The following CP variants were observed in gnomAD, a reference collection of about 807,000 sequenced individuals.
The protein encoded by CP is caeruloplasmin.
In CP, 64 loss-of-function variants were observed where a neutral mutation model predicts 122.4. The observed-to-expected ratio is 0.52, with a 90% confidence interval of 0.43 to 0.64. The LOEUF is 0.64. Ranked by LOEUF, CP falls within the 30% of genes least tolerant of loss-of-function variation. The probability of loss-of-function intolerance (pLI) is 0.00; values close to 1 mark genes in which losing one functional copy is unlikely to be tolerated. For synonymous variants in CP, 440 were observed against 436.4 expected, an observed-to-expected ratio of 1.01 and a Z score of -0.10; for missense variants, 1,167 against 1,284.4, an observed-to-expected ratio of 0.91 and a Z score of 1.40.
Position 149,178,603 on chromosome 3 carries a change from A to G in CP, c.2690T>C (p.Leu897Pro). Residue 897 changes from leucine (L) to proline (P), a missense_variant, in exon 16 of 19, where the codon CTG (leucine) becomes CCG (proline). Physicochemically the swap from Leu to Pro is moderately conservative, Grantham distance 98. This residue lies in a region of CP where 525 missense variants were observed against 657.2 expected (regional missense o/e 0.80). Coordinates refer to ENST00000264613, the MANE Select transcript of CP (RefSeq NM_000096.4). ...KDLYSGLIGP[L>P]IVCRRPYLKV... ...CAAGTAAGGTCTTCGACAAACAATCAGGGGGCCAATTAATCCACTGTAGAG... is the reference window on the plus strand; with the variant it reads ...CAAGTAAGGTCTTCGACAAACAATCGGGGGGCCAATTAATCCACTGTAGAG... The G allele has an allele frequency of 6.2e-7, 1 of 1,612,974 alleles. No homozygotes were observed. The highest frequency in any genetic ancestry group is 8.5e-7 in the Non-Finnish European group (1 of 1,179,236).
At chr3:149,187,575 G>A (rs1170277580) in intron 10 of CP, among the ~76,000 whole-genome samples, 1 of 152,192 alleles carries the variant, frequency 6.6e-6, no homozygotes, top group Non-Finnish European at 1.5e-5. Flanking sequence ...TAGAATCATT[G>A]AGGGCTGAGA....
intron 13 of CP, among the ~76,000 whole-genome samples, chr3:149,182,888 C>A (rs895131208): frequency 2.0e-5 from 3 of 152,088 alleles, no homozygotes; most frequent in African/African-American, 7.2e-5. Context: ...TAGTGCCTCA[C>A]GCCTGTAATC....
At chr3:149,172,316 T>TCAC (rs1200676922), downstream of CP, 6 of 681,198 alleles carry the variant, frequency 8.8e-6, no homozygotes, top group Non-Finnish European at 1.2e-5. Flanking sequence ...TTATTTTATA[T>TCAC]ATCACACACA....
chr3:149,162,478 A>C, exon 6 of CP: 1 of 886,988 alleles, frequency 1.1e-6, no homozygotes, highest in Non-Finnish European at 1.8e-6. Context: ...TAAAAGTACT[A>C]ATTAAAAGAC....
At chr3:149,165,602 A>G (rs919954611) in intron 5 of CP, among the ~76,000 whole-genome samples, 1 of 152,036 alleles carries the variant, frequency 6.6e-6, no homozygotes, top group Non-Finnish European at 1.5e-5. Flanking sequence ...TCGGGTTCCC[A>G]AAGTTCTGGG....
rs1036183549 is a variant in CP at position 149,206,869 on chromosome 3, TA to T, written c.1036+493del. On this transcript the variant is annotated intron_variant, in intron 5 of 18. Coordinates refer to ENST00000264613, the MANE Select transcript of CP (RefSeq NM_000096.4). Reference sequence around the variant, plus strand: ...AATATCTGAACTCCTATGTTAAACTTAATTTATTCAGTAGACCAATATTAAA... The same window carrying T: ...AATATCTGAACTCCTATGTTAAACTTATTTATTCAGTAGACCAATATTAAA... Among the ~76,000 whole-genome samples the T allele has an allele frequency of 3.9e-5, 6 of 152,302 alleles. 1 individual carries two copies. Among genetic ancestry groups the T allele is most frequent in the Admixed American group, 1.3e-4 (2 of 15,292 alleles).
chr3:149,212,897 T>C (rs915312013), intron 1 of CP, among the ~76,000 whole-genome samples, 199 bp from the exon 2 acceptor site: 1 of 152,222 alleles, frequency 6.6e-6, no homozygotes, highest in Non-Finnish European at 1.5e-5. Context: ...AGGCTTTCCA[T>C]ATCAGGTATA....
intron 1 of CP, among the ~76,000 whole-genome samples, chr3:149,221,036 C>T (rs1296542606): frequency 1.3e-5 from 2 of 151,698 alleles, no homozygotes; most frequent in African/African-American, 2.4e-5. Flanking sequence ...TAATAAGTAC[C>T]TGACATTTTT....
intron 1 of CP, 90 bp from the exon 2 acceptor site, chr3:149,212,788 A>T (rs1393723407): frequency 2.8e-6 from 4 of 1,434,120 alleles, no homozygotes; most frequent in Non-Finnish European, 3.8e-6. Context: ...TAATTAGAGA[A>T]ATTAATGAGC....
intron 2 of CP, among the ~76,000 whole-genome samples, chr3:149,211,766 C>A: frequency 6.6e-6 from 1 of 152,322 alleles, no homozygotes; most frequent in Admixed American, 6.5e-5. Context: ...AGGCAATCCA[C>A]ATCTTGAGTC....
intron 18 of CP, 170 bp downstream of exon 18, chr3:149,176,080 A>ATT: frequency 1.4e-5 from 9 of 646,596 alleles, no homozygotes; most frequent in Non-Finnish European, 2.2e-5. Context: ...ATCCCTCACC[A>ATT]TTTAGCAGGA....
chr3:149,182,173 C>A (rs1725831643), intron 13 of CP, 40 bp from the exon 14 acceptor site: 1 of 1,612,156 alleles, frequency 6.2e-7, no homozygotes, highest in South Asian at 1.1e-5. Flanking sequence ...ATCAGAAGGT[C>A]TAACTTAGTA....
At position 149,219,444 on chromosome 3, in the gene CP, C is replaced by T. The variant is rs148035604; in HGVS notation, c.146+2203G>A. On this transcript the variant is annotated intron_variant, in intron 1 of 18. Coordinates refer to ENST00000264613, the MANE Select transcript of CP (RefSeq NM_000096.4). ...AACTGAATCATGGATGTGGTTTCCCCCATATTGTTCTCATGGTAGTGAATA... is the reference window on the plus strand; with the variant it reads ...AACTGAATCATGGATGTGGTTTCCCTCATATTGTTCTCATGGTAGTGAATA... Among the ~76,000 whole-genome samples, 965 of 152,200 alleles carry T rather than the reference C, an allele frequency of 6.3e-3. 18 individuals are homozygous for T. Among genetic ancestry groups the T allele is most frequent in the African/African-American group, 0.022 (894 of 41,510 alleles).
At chr3:149,185,047 C>T (rs574565844) in intron 12 of CP, 192 bp downstream of exon 12, 1 of 609,742 alleles carries the variant, frequency 1.6e-6, no homozygotes, top group African/African-American at 1.8e-5. Flanking sequence ...GAAATTTTCC[C>T]TTAAGGAAAT....
chr3:149,198,340 A>G, intron 9 of CP, 27 bp downstream of exon 9: 2 of 1,572,612 alleles, frequency 1.3e-6, no homozygotes, highest in Non-Finnish European at 1.8e-6. Context: ...GAGATTGAAC[A>G]ATTTTTTTTT....
exon 6 of CP, chr3:149,162,476 C>T (rs1723968105): frequency 2.2e-6 from 2 of 891,852 alleles, no homozygotes; most frequent in South Asian, 2.9e-5. Flanking sequence ...GATAAAAGTA[C>T]TAATTAAAAG....
At chr3:149,172,417 T>G, downstream of CP, 2 of 512,794 alleles carry the variant, frequency 3.9e-6, no homozygotes, top group Non-Finnish European at 7.1e-6. Context: ...TATTCACTTC[T>G]TAATTTATGA....
chr3:149,166,462 C>G (rs572345223), intron 4 of CP, among the ~76,000 whole-genome samples: 1 of 152,170 alleles, frequency 6.6e-6, no homozygotes, highest in Admixed American at 6.5e-5. Context: ...GTGCATTTAC[C>G]TATGTAGATT....
chr3:149,181,974 G>GCACAAC, intron 14 of CP, 31 bp downstream of exon 14: 1 of 1,356,684 alleles, frequency 7.4e-7, no homozygotes, highest in Admixed American at 1.7e-5. Context: ...CTGTTAAAAT[G>GCACAAC]CACCACCCCC....
Sources: gnomAD v4.1 joint callset for allele counts (sites outside exome capture counted in the v4.1 genomes callset) on GRCh38, gnomAD v4.1.1 for gene constraint, gnomAD v4.1.1 regional missense constraint, MANE v1.5 for transcripts, NCBI Gene and HGNC (gene_info 2026-07-23, HGNC 2026-07-21) for gene names.